RIMBP2: variants seen among roughly 807,000 people sequenced by gnomAD.
RIMBP2 encodes the protein RIMS-binding protein 2.
A neutral mutation model predicts 118.6 loss-of-function variants in RIMBP2; 48 were observed. The observed-to-expected ratio is 0.40, with a 90% CI of 0.32 to 0.51. The LOEUF (loss-of-function observed/expected upper bound fraction) is 0.51, where lower values mean the gene tolerates loss of function less well. Ranked by LOEUF, RIMBP2 falls within the 20% of genes least tolerant of loss-of-function variation. The pLI is 0.41. For synonymous variants in RIMBP2, 762 were observed against 742.9 expected (o/e 1.03, Z -0.42); for missense variants, 1,551 against 1,768.3 (o/e 0.88, Z 2.20).
At chr12:130,453,603 C>A (rs538593470) in intron 7 of RIMBP2, among the ~76,000 whole-genome samples, 2 of 152,340 alleles carry the variant, frequency 1.3e-5, no homozygotes, top group African/African-American at 4.8e-5. Flanking sequence ...ATGGCACGGA[C>A]GGCCCCCACT....
At chr12:130,474,450 G>C (rs2081265773) in intron 5 of RIMBP2, among the ~76,000 whole-genome samples, 1 of 152,212 alleles carries the variant, frequency 6.6e-6, no homozygotes, top group Non-Finnish European at 1.5e-5. Context: ...CTAGGTGTCA[G>C]GCGATGTCCT....
In RIMBP2 at chr12:130,523,231, C is replaced by T. The variant is rs2052366440; in HGVS notation, c.-216-5314G>A. 6.6e-6 allele frequency among the ~76,000 whole-genome samples: 1 copy of T among 152,206 alleles called. No homozygotes were observed. Among genetic ancestry groups the T allele is most frequent in the Non-Finnish European group, 1.5e-5 (1 of 68,040 alleles). On this transcript the variant is annotated intron_variant, in intron 2 of 22. Transcript: ENST00000690449. This position sits in a 1 kb window ranked among gnomAD's most constrained non-coding sequence, Gnocchi z 4.4. Reference sequence around the variant, plus strand: ...GGGGGGTTTCTCTGCCTCCATCTCTCTCTGTCCCCTACCCACTACCTGGCC... The same window carrying T: ...GGGGGGTTTCTCTGCCTCCATCTCTTTCTGTCCCCTACCCACTACCTGGCC...
In RIMBP2 at chr12:130,511,381, A is replaced by G. The variant is rs2050893549; in HGVS notation, c.-126-4611T>C. Among the ~76,000 whole-genome samples the G allele has an allele frequency of 1.3e-5, 2 of 152,212 alleles. No homozygotes were observed. The highest frequency in any genetic ancestry group is 6.5e-5 in the Admixed American group (1 of 15,286). The stretch of plus-strand genomic sequence containing the variant: ...CAGCAGCAATAGGCAACTGATGCGG[A>G]AATCAGCTAAACAGCAGTCCTCGTT... On this transcript the variant is annotated intron_variant, in intron 3 of 22. Coordinates refer to ENST00000690449, the MANE Select transcript of RIMBP2 (RefSeq NM_001393629.1). This position sits in a 1 kb window ranked among gnomAD's most constrained non-coding sequence, Gnocchi z 4.3.
At chr12:130,428,709 C>T (rs139208385) in intron 14 of RIMBP2, 15 of 176,766 alleles carry the variant, frequency 8.5e-5, no homozygotes, top group African/African-American at 2.8e-4. Flanking sequence ...ACTCTGGTGA[C>T]GGTGGGGATC....
intron 4 of RIMBP2, among the ~76,000 whole-genome samples, chr12:130,506,014 T>C (rs891648636): frequency 6.7e-6 from 1 of 150,368 alleles, no homozygotes; most frequent in African/African-American, 2.5e-5. Context: ...ATATATGTAC[T>C]GGATCATAGA....
At chr12:130,635,302 G>A (rs2062286732) in intron 1 of RIMBP2, among the ~76,000 whole-genome samples, 1 of 152,300 alleles carries the variant, frequency 6.6e-6, no homozygotes, top group Admixed American at 6.5e-5. Flanking sequence ...GAGGGACCCT[G>A]CTTATCGTAT....
rs2052435003 is a variant in RIMBP2 at position 130,523,731 on chromosome 12, C to T, written c.-216-5814G>A. ...GTCAGTACCGGGCTCAGCAGGGGGC[C>T]CTGAGTGAGTGGGTGAGGAGCACCC... On this transcript the variant is annotated intron_variant, in intron 2 of 22. Coordinates refer to ENST00000690449, the MANE Select transcript of RIMBP2 (RefSeq NM_001393629.1). The surrounding 1 kb of genome is among the most constrained non-coding windows in gnomAD (Gnocchi z 4.4). 2.0e-5 allele frequency among the ~76,000 whole-genome samples: 3 copies of T among 152,190 alleles called. No individual in the cohort carries two copies. The highest frequency in any genetic ancestry group is 4.4e-5 in the Non-Finnish European group (3 of 68,026).
intron 12 of RIMBP2, among the ~76,000 whole-genome samples, chr12:130,437,808 T>A (rs1385846014): frequency 6.6e-6 from 1 of 152,156 alleles, no homozygotes; most frequent in Non-Finnish European, 1.5e-5. Context: ...AAGTCACCCC[T>A]GCTCCTGCAG....
chr12:130,534,478 T>G (rs1169396766), intron 2 of RIMBP2, among the ~76,000 whole-genome samples: 2 of 152,170 alleles, frequency 1.3e-5, no homozygotes. Context: ...ATTCTGGTTA[T>G]GCTAGAAGCT....
At chr12:130,607,646 G>A (rs1045008100) in intron 2 of RIMBP2, among the ~76,000 whole-genome samples, 1 of 151,890 alleles carries the variant, frequency 6.6e-6, no homozygotes, top group Non-Finnish European at 1.5e-5. Context: ...CACTCAGCCC[G>A]AGAGCGAGTC....
At chr12:130,506,225 A>C (rs1363086291) in intron 4 of RIMBP2, among the ~76,000 whole-genome samples, 1 of 152,080 alleles carries the variant, frequency 6.6e-6, no homozygotes, top group African/African-American at 2.4e-5. Context: ...GTACCCCCTG[A>C]TAGAGCAAGG....
In RIMBP2 at chr12:130,620,569, G is replaced by A. The variant is rs977998819; in HGVS notation, c.-217+7753C>T. Among the ~76,000 whole-genome samples the A allele has an allele frequency of 7.9e-5, 12 of 152,224 alleles. No homozygotes were observed. Among genetic ancestry groups the A allele is most frequent in the Admixed American group, 2.6e-4 (4 of 15,302 alleles). On this transcript the variant is annotated intron_variant, in intron 2 of 22. Coordinates refer to ENST00000690449, the MANE Select transcript of RIMBP2 (RefSeq NM_001393629.1). The surrounding 1 kb of genome is among the most constrained non-coding windows in gnomAD (Gnocchi z 5.3). ...GCCAGATGCCCAAGCTCGGGGTGTC[G>A]GCAGGGCTGCTCCTCAGGTCACAGG... is the stretch of plus-strand genomic sequence containing the variant.
intron 2 of RIMBP2, among the ~76,000 whole-genome samples, chr12:130,530,873 T>A (rs2053300464): frequency 6.6e-6 from 1 of 152,204 alleles, no homozygotes; most frequent in Admixed American, 6.5e-5. Flanking sequence ...TATGAGCAAC[T>A]GAAACTGGTG....
chr12:130,420,174 G>A lies in RIMBP2; in HGVS notation c.3238+2279C>T, dbSNP rs1243229627. On this transcript the variant is annotated intron_variant, in intron 17 of 22. Transcript: ENST00000690449. This position sits in a 1 kb window ranked among gnomAD's most constrained non-coding sequence, Gnocchi z 4.3. Reference sequence around the variant, plus strand: ...TGTTCATTTCCCAAAGCTCTTTGCCGAGTCCTCCTCCTCCTCAGGTGGGTG... The same window carrying A: ...TGTTCATTTCCCAAAGCTCTTTGCCAAGTCCTCCTCCTCCTCAGGTGGGTG... 2.0e-5 allele frequency among the ~76,000 whole-genome samples: 3 copies of A among 152,116 alleles called. No homozygotes were observed. Among genetic ancestry groups the A allele is most frequent in the Admixed American group, 6.5e-5 (1 of 15,276 alleles).
At chr12:130,660,436 T>G (rs1470000112) in intron 1 of RIMBP2, 1 of 151,674 alleles carries the variant, frequency 6.6e-6, no homozygotes, top group Non-Finnish European at 1.5e-5. Flanking sequence ...TGGAGGTCTC[T>G]GAGGAGGGGC....
At chr12:130,592,560 G>T (rs892429435) in intron 2 of RIMBP2, among the ~76,000 whole-genome samples, 2 of 151,766 alleles carry the variant, frequency 1.3e-5, no homozygotes, top group Non-Finnish European at 2.9e-5. Flanking sequence ...TCAGTGGCAG[G>T]CGCCTGTAAT....
chr12:130,551,762 T>C (rs531787936), intron 2 of RIMBP2, among the ~76,000 whole-genome samples: 34 of 152,346 alleles, frequency 2.2e-4, no homozygotes, highest in African/African-American at 7.2e-4. Context: ...GTCCCTCCAA[T>C]GCTGCAAAGA....
rs1192573593 is a variant in RIMBP2, at chr12:130,399,749, A to G, written c.3830T>C (p.Val1277Ala). The change falls in exon 22 of 23, where the codon GTA (valine) becomes GCA (alanine). Residue 1277 changes from valine (V) to alanine (A), a missense_variant. Physicochemically the swap from Val to Ala is moderately conservative, Grantham distance 64. This residue lies in a region of RIMBP2 where 1,038 missense variants were observed against 1,125.1 expected (regional missense o/e 0.92). Transcript: ENST00000690449. Reference protein sequence around the residue: ...SNFLEEVPDDVEVYLSDAPSH... With the variant: ...SNFLEEVPDDAEVYLSDAPSH... The stretch of plus-strand genomic sequence containing the variant: ...TGGAGCATCAGAAAGATAGACTTCT[A>G]CGTCATCAGGCACTTCTTCCAAGAA... 8.7e-6 allele frequency: 14 copies of G among 1,614,168 alleles called. No homozygotes were observed. Among genetic ancestry groups the G allele is most frequent in the South Asian group, 3.3e-5 (3 of 91,082 alleles).
At chr12:130,448,062 G>A (rs559784179) in intron 9 of RIMBP2, among the ~76,000 whole-genome samples, 9 of 151,832 alleles carry the variant, frequency 5.9e-5, no homozygotes, top group South Asian at 2.1e-4. Context: ...CAGCTCTCTC[G>A]GGGACCAGCA....
Sources: gnomAD v4.1 joint callset for allele counts (sites outside exome capture counted in the v4.1 genomes callset) on GRCh38, gnomAD v4.1.1 for gene constraint, gnomAD v4.1.1 regional missense constraint, Gnocchi (gnomAD v3.1) non-coding constraint, MANE v1.5 for transcripts, NCBI Gene and HGNC (gene_info 2026-07-23, HGNC 2026-07-21) for gene names.